MTUS2: variants seen among roughly 807,000 people sequenced by gnomAD.
MTUS2 encodes the protein microtubule-associated tumor suppressor candidate 2.
A neutral mutation model predicts 114.1 loss-of-function variants in MTUS2; 40 were observed. The ratio of observed to expected loss-of-function variants is 0.35; its 90% CI spans 0.27 to 0.46. The LOEUF is 0.46. Ranked by LOEUF, MTUS2 falls within the 20% of genes least tolerant of loss-of-function variation. MTUS2 has a pLI of 1.00. For missense variants in MTUS2, 1,679 were observed against 1,705.4 expected, an observed-to-expected ratio of 0.98 and a Z score of 0.27; for synonymous variants, 688 against 672.0, an observed-to-expected ratio of 1.02 and a Z score of -0.37.
chr13:29,085,780 CT>C (rs1296774226), intron 4 of MTUS2, among the ~76,000 whole-genome samples: 2 of 152,128 alleles, frequency 1.3e-5, no homozygotes, highest in Admixed American at 1.3e-4. Flanking sequence ...GGTAGAATGA[CT>C]TTTTTTCCTT....
intron 5 of MTUS2, among the ~76,000 whole-genome samples, chr13:29,229,540 C>T (rs763620491): frequency 6.6e-6 from 1 of 152,180 alleles, no homozygotes; most frequent in Non-Finnish European, 1.5e-5. Context: ...AAGTATGAAT[C>T]CTGTAGTTAA....
chr13:29,412,219 G>A (rs1424334062), intron 8 of MTUS2, among the ~76,000 whole-genome samples: 1 of 152,118 alleles, frequency 6.6e-6, no homozygotes, highest in East Asian at 1.9e-4. Context: ...TAGAACTAAG[G>A]ATTTTTATCA....
chr13:28,970,446 C>T (rs750157111), intron 2 of MTUS2, among the ~76,000 whole-genome samples: 7 of 152,218 alleles, frequency 4.6e-5, no homozygotes, highest in Admixed American at 4.6e-4. Flanking sequence ...CAACCACCAT[C>T]GTTCATTCAT....
At chr13:29,175,233 T>A (rs1405476812) in intron 5 of MTUS2, among the ~76,000 whole-genome samples, 1 of 152,162 alleles carries the variant, frequency 6.6e-6, no homozygotes, top group African/African-American at 2.4e-5. Flanking sequence ...CTTTAAATAA[T>A]GAAAGATAAA....
At chr13:29,269,823 G>A (rs1280673267) in intron 5 of MTUS2, among the ~76,000 whole-genome samples, 1 of 152,158 alleles carries the variant, frequency 6.6e-6, no homozygotes, top group East Asian at 1.9e-4. Flanking sequence ...ACAGATGAAT[G>A]GATTGTCTTT....
intron 1 of MTUS2, among the ~76,000 whole-genome samples, chr13:28,833,456 A>G (rs1466190773): frequency 1.3e-5 from 2 of 152,128 alleles, no homozygotes; most frequent in South Asian, 2.1e-4. Context: ...AAATACAGAA[A>G]CCCCATAATC....
chr13:29,033,158 A>G (rs973214872), intron 3 of MTUS2, among the ~76,000 whole-genome samples: 1 of 152,216 alleles, frequency 6.6e-6, no homozygotes, highest in Non-Finnish European at 1.5e-5. Flanking sequence ...GCTATGTGCT[A>G]GACATTGTTT....
At chr13:29,016,539 T>C (rs1886073979) in intron 2 of MTUS2, among the ~76,000 whole-genome samples, 1 of 152,182 alleles carries the variant, frequency 6.6e-6, no homozygotes, top group African/African-American at 2.4e-5. Context: ...TGGTCCTCTG[T>C]AGAGGGGAAA....
chr13:29,313,915 G>A (rs1455014642), intron 6 of MTUS2, among the ~76,000 whole-genome samples: 1 of 152,104 alleles, frequency 6.6e-6, no homozygotes, highest in Non-Finnish European at 1.5e-5. Context: ...TAGCATTTCT[G>A]GGGGAAATGA....
At chr13:29,404,996 G>A (rs1008053259) in intron 8 of MTUS2, among the ~76,000 whole-genome samples, 30 of 151,282 alleles carry the variant, frequency 2.0e-4, no homozygotes, top group African/African-American at 7.2e-4. Flanking sequence ...TTTAGGCATA[G>A]TTAGTAAGCC....
intron 11 of MTUS2, among the ~76,000 whole-genome samples, chr13:29,491,129 CAT>C (rs1263594828): frequency 1.2e-4 from 17 of 142,944 alleles, no homozygotes; most frequent in African/African-American, 4.4e-4. Context: ...TGTGGGTGTG[CAT>C]GTGTGTGTAT....
intron 2 of MTUS2, among the ~76,000 whole-genome samples, chr13:28,953,028 A>G (rs1252923742): frequency 6.6e-6 from 1 of 152,184 alleles, no homozygotes; most frequent in African/African-American, 2.4e-5. Flanking sequence ...AATTTGTGAG[A>G]ATGCCCCTTT....
chr13:28,950,371 G>A (rs111250220), intron 2 of MTUS2, among the ~76,000 whole-genome samples: 2,272 of 152,258 alleles, frequency 0.015, 36 homozygotes, highest in African/African-American at 0.04. Flanking sequence ...TATGTGATTC[G>A]CAAATGTTTT....
intron 2 of MTUS2, among the ~76,000 whole-genome samples, chr13:28,964,323 C>G (rs1021540655): frequency 6.6e-6 from 1 of 152,202 alleles, no homozygotes; most frequent in Non-Finnish European, 1.5e-5. Context: ...TGCTCCTACT[C>G]TAGTCCAAGC....
At chr13:29,300,137 C>A (rs1899132644) in intron 6 of MTUS2, among the ~76,000 whole-genome samples, 1 of 152,092 alleles carries the variant, frequency 6.6e-6, no homozygotes, top group Non-Finnish European at 1.5e-5. Context: ...AAAACAATAG[C>A]AAGAATAATA....
chr13:29,015,778 T>C (rs1886038147), intron 2 of MTUS2, among the ~76,000 whole-genome samples: 1 of 152,232 alleles, frequency 6.6e-6, no homozygotes. Context: ...TGTATTTATA[T>C]GGGAGGAAGA....
chr13:29,094,018 TA>T (rs750040762), intron 4 of MTUS2, among the ~76,000 whole-genome samples: 41 of 152,176 alleles, frequency 2.7e-4, no homozygotes, highest in Non-Finnish European at 5.3e-4. Flanking sequence ...ATGGATTAAT[TA>T]TGTATGTAAA....
At chr13:29,108,487 C>T (rs1890757438) in intron 5 of MTUS2, among the ~76,000 whole-genome samples, 1 of 152,164 alleles carries the variant, frequency 6.6e-6, no homozygotes, top group African/African-American at 2.4e-5. Flanking sequence ...TCTTGGCTGG[C>T]TTGTTTTATG....
chr13:28,906,724 A>G (rs1201086597), intron 2 of MTUS2, among the ~76,000 whole-genome samples: 1 of 151,456 alleles, frequency 6.6e-6, no homozygotes, highest in East Asian at 1.9e-4. Flanking sequence ...AAAAAAATGT[A>G]TATTCTGTTG....
Sources: allele counts gnomAD v4.1 joint callset (sites outside exome capture counted in the v4.1 genomes callset), GRCh38; gene constraint gnomAD v4.1.1; transcripts MANE v1.5; gene names NCBI Gene and HGNC (gene_info 2026-07-23, HGNC 2026-07-21).